Variants in INPP5B observed in about 807,000 individuals in gnomAD.
The protein encoded by INPP5B is type II inositol 1,4,5-trisphosphate 5-phosphatase.
Under a neutral mutation model 118.5 loss-of-function variants are expected in INPP5B, and 90 were observed. The observed-to-expected ratio is 0.76, with a 90% confidence interval of 0.64 to 0.90. INPP5B has a LOEUF of 0.90. INPP5B is among the 40% of genes least tolerant of loss of function. The pLI, the probability that INPP5B is intolerant of heterozygous loss-of-function variation, is 0.00. For synonymous variants in INPP5B, 385 were observed against 418.9 expected, an observed-to-expected ratio of 0.92 and a Z score of 0.99; for missense variants, 984 against 1,125.6, an observed-to-expected ratio of 0.87 and a Z score of 1.80.
At chr1:37,915,231 T>C (rs558580201) in intron 7 of INPP5B, among the ~76,000 whole-genome samples, 3 of 152,318 alleles carry the variant, frequency 2.0e-5, no homozygotes, top group Non-Finnish European at 4.4e-5. Flanking sequence ...CTGAAGCCTC[T>C]TGGGCCAAGT....
intron 7 of INPP5B, among the ~76,000 whole-genome samples, chr1:37,910,586 A>ACT (rs1449699371): frequency 7.4e-5 from 11 of 149,280 alleles, no homozygotes; most frequent in South Asian, 4.3e-4. Context: ...CGGATGATGC[A>ACT]CCCCTTACCA....
At chr1:37,887,835 T>C (rs1216310580) in intron 10 of INPP5B, among the ~76,000 whole-genome samples, 1 of 148,660 alleles carries the variant, frequency 6.7e-6, no homozygotes, top group African/African-American at 2.5e-5. Context: ...TCCCCACTAG[T>C]AATGCCCAGT....
chr1:37,878,345 G>C, intron 15 of INPP5B, 22 bp from the exon 16 acceptor site: 1 of 1,613,090 alleles, frequency 6.2e-7, no homozygotes, highest in Non-Finnish European at 8.5e-7. Context: ...AGTCCACACT[G>C]GAAGTACTCA....
In INPP5B at chr1:37,943,707, G is replaced by A. The variant is rs369115129; in HGVS notation, c.251-38C>T. On this transcript the variant is annotated intron_variant, in intron 4 of 23. Transcript: ENST00000373024. The stretch of plus-strand genomic sequence containing the variant: ...AAATGAGAATGCCCTTAGCAATTGA[G>A]CTTACTCCCCCTTGCCCCCCCATCA... 12 of 1,613,632 alleles carry A rather than the reference G, an allele frequency of 7.4e-6. No homozygotes were observed. In the African/African-American group the frequency reaches 1.5e-4, roughly 20 times the overall value.
chr1:37,917,308 T>TTTTATATATATATATATATATATA (rs1367504194), intron 7 of INPP5B, among the ~76,000 whole-genome samples: 33 of 92,802 alleles, frequency 3.6e-4, no homozygotes, highest in South Asian at 1.4e-3. Flanking sequence ...AAAAAAATAA[T>TTTTATATATATATATATATATATA]TATATATATA....
intron 6 of INPP5B, among the ~76,000 whole-genome samples, chr1:37,936,553 G>A (rs1225258596): frequency 1.3e-5 from 2 of 151,926 alleles, no homozygotes; most frequent in African/African-American, 4.8e-5. Context: ...CCCGGGAGGT[G>A]GAGGTTGTAG....
In INPP5B at chr1:37,889,595, T is replaced by C; in HGVS notation, c.759A>G (p.Leu253=). The change falls in exon 9 of 24, where the codon CTA becomes CTG. Residue 253 remains leucine (L), a synonymous_variant. Coordinates refer to ENST00000373024, the MANE Select transcript of INPP5B (RefSeq NM_005540.3). ...TATAGGTGTAATCCTCTTCTTTCTG[T>C]AGTAGATGTGATTTCACAATTGTAT... ...LRDTIVKSHL[L]QKEEDYTYIQ... 1.2e-6 allele frequency: 2 copies of C among 1,613,984 alleles called. No individual in the cohort carries two copies. Among genetic ancestry groups the C allele is most frequent in the Admixed American group, 1.7e-5 (1 of 60,002 alleles).
intron 20 of INPP5B, among the ~76,000 whole-genome samples, chr1:37,867,154 C>T (rs1310720327): frequency 1.3e-5 from 2 of 152,132 alleles, no homozygotes; most frequent in Non-Finnish European, 2.9e-5. Flanking sequence ...ATTGCTAGAG[C>T]CGGGGAGGCG....
At chr1:37,885,586 C>T in intron 13 of INPP5B, 52 bp downstream of exon 13, 1 of 1,533,164 alleles carries the variant, frequency 6.5e-7, no homozygotes, top group Non-Finnish European at 9.0e-7. Flanking sequence ...AGACAGAGCC[C>T]ACAACTCTAT....
At chr1:37,920,573 G>A (rs549726178) in intron 7 of INPP5B, among the ~76,000 whole-genome samples, 3 of 151,860 alleles carry the variant, frequency 2.0e-5, no homozygotes, top group Admixed American at 6.6e-5. Context: ...GCTGAGACAG[G>A]AGAATCACTT....
chr1:37,909,358 C>A (rs545873596), intron 7 of INPP5B, among the ~76,000 whole-genome samples: 11 of 152,216 alleles, frequency 7.2e-5, no homozygotes, highest in African/African-American at 2.2e-4. Flanking sequence ...CCCAACTCTT[C>A]TTCAACCTCT....
At chr1:37,908,730 G>A (rs1435855948) in intron 7 of INPP5B, among the ~76,000 whole-genome samples, 1 of 152,178 alleles carries the variant, frequency 6.6e-6, no homozygotes, top group African/African-American at 2.4e-5. Flanking sequence ...CTCCACTGGT[G>A]TCTGATCACT....
At chr1:37,940,942 GACA>G (rs999830962) in intron 5 of INPP5B, 144 bp from the exon 6 acceptor site, 7 of 586,640 alleles carry the variant, frequency 1.2e-5, no homozygotes, top group Middle Eastern at 2.6e-4. Context: ...CAGCTGCTGG[GACA>G]ACAAGGAAAC....
intron 7 of INPP5B, among the ~76,000 whole-genome samples, chr1:37,895,886 G>A (rs1009513330): frequency 6.6e-6 from 1 of 152,210 alleles, no homozygotes; most frequent in Non-Finnish European, 1.5e-5. Flanking sequence ...CCAGCAGCCT[G>A]CCTTGGCCTC....
chr1:37,905,748 C>T (rs1217805963), intron 7 of INPP5B, among the ~76,000 whole-genome samples: 1 of 152,228 alleles, frequency 6.6e-6, no homozygotes, highest in Non-Finnish European at 1.5e-5. Context: ...TTTCAGGACT[C>T]ATGCAAAGCT....
At chr1:37,921,584 C>T (rs567804462) in intron 7 of INPP5B, among the ~76,000 whole-genome samples, 8 of 152,356 alleles carry the variant, frequency 5.3e-5, no homozygotes, top group South Asian at 2.1e-4. Flanking sequence ...CAGTGCCTCA[C>T]GCCTATTATC....
intron 7 of INPP5B, among the ~76,000 whole-genome samples, chr1:37,917,213 C>T (rs1270171135): frequency 1.4e-5 from 2 of 143,996 alleles, no homozygotes; most frequent in Admixed American, 7.1e-5. Context: ...TGCTTGAACC[C>T]GGGAGGCAGA....
chr1:37,899,239 G>A (rs1644239860), intron 7 of INPP5B, among the ~76,000 whole-genome samples: 1 of 149,190 alleles, frequency 6.7e-6, no homozygotes, highest in African/African-American at 2.5e-5. Context: ...TACTCTAGTT[G>A]ATAATGGTGT....
chr1:37,872,943 G>T lies in INPP5B; in HGVS notation c.2174C>A (p.Thr725Asn). Residue 725 changes from threonine (T) to asparagine (N), a missense_variant, in exon 19 of 24, where the codon ACC becomes AAC. By Grantham distance (65) the Thr-to-Asn change is moderately conservative. Coordinates refer to ENST00000373024, the MANE Select transcript of INPP5B (RefSeq NM_005540.3). ...CATATTACTCACCAGCTCACTAATGGTTTCAAGTGGTAGGTCCAAGATTGG... is the reference window on the plus strand; with the variant it reads ...CATATTACTCACCAGCTCACTAATGTTTTCAAGTGGTAGGTCCAAGATTGG... Reference protein sequence around the residue: ...REPILDLPLETISELTLMPVW... With the variant: ...REPILDLPLENISELTLMPVW... 1 of 1,613,302 alleles carries T rather than the reference G, an allele frequency of 6.2e-7. No individual in the cohort carries two copies. Among genetic ancestry groups the T allele is most frequent in the Non-Finnish European group, 8.5e-7 (1 of 1,179,300 alleles).
Sources: allele counts gnomAD v4.1 joint callset (sites outside exome capture counted in the v4.1 genomes callset), GRCh38; gene constraint gnomAD v4.1.1; transcripts MANE v1.5; gene names NCBI Gene and HGNC (gene_info 2026-07-23, HGNC 2026-07-21).